The following SLC24A3 variants were observed in gnomAD, a reference collection of about 807,000 sequenced individuals.
SLC24A3 encodes solute carrier family 24 member 3.
SLC24A3 carries 28 observed loss-of-function variants against 75.8 expected under a neutral mutation model. The ratio of observed to expected loss-of-function variants is 0.37; its 90% CI spans 0.27 to 0.51. SLC24A3 has a LOEUF of 0.51. SLC24A3 is among the 20% of genes least tolerant of loss of function. The pLI, the probability that SLC24A3 is intolerant of heterozygous loss-of-function variation, is 0.94. For missense variants in SLC24A3, 663 were observed against 847.8 expected (o/e 0.78, Z 2.71); for synonymous variants, 372 against 334.1 (o/e 1.11, Z -1.24).
intron 2 of SLC24A3, among the ~76,000 whole-genome samples, chr20:19,393,872 A>G (rs987270488): frequency 3.9e-5 from 6 of 152,220 alleles, no homozygotes; most frequent in African/African-American, 1.4e-4. Context: ...CCTAAAATTC[A>G]TATAGAATCT....
At chr20:19,405,291 C>T (rs1476798924) in intron 2 of SLC24A3, among the ~76,000 whole-genome samples, 2 of 152,160 alleles carry the variant, frequency 1.3e-5, no homozygotes, top group Admixed American at 6.5e-5. Flanking sequence ...TTGGGATTCT[C>T]ATGTTGGTGC....
intron 3 of SLC24A3, among the ~76,000 whole-genome samples, chr20:19,516,185 A>G (rs2029984057): frequency 6.6e-6 from 1 of 152,088 alleles, no homozygotes; most frequent in Non-Finnish European, 1.5e-5. Flanking sequence ...CTTACTTTCC[A>G]CCACTGCCCA....
At chr20:19,469,060 T>C (rs1459971254) in intron 2 of SLC24A3, among the ~76,000 whole-genome samples, 1 of 151,998 alleles carries the variant, frequency 6.6e-6, no homozygotes. Context: ...CAAAGGGCAA[T>C]GCTTAGGAGG....
At chr20:19,663,147 C>A (rs556430217) in intron 7 of SLC24A3, among the ~76,000 whole-genome samples, 1 of 152,002 alleles carries the variant, frequency 6.6e-6, no homozygotes, top group South Asian at 2.1e-4. Flanking sequence ...TAGCTCACTG[C>A]AGCCTCAAAC....
chr20:19,476,706 G>A (rs570966762), intron 2 of SLC24A3, among the ~76,000 whole-genome samples: 21 of 152,110 alleles, frequency 1.4e-4, no homozygotes, highest in Non-Finnish European at 2.8e-4. Flanking sequence ...TCAGAAAGGA[G>A]GGAAATCCAG....
intron 1 of SLC24A3, among the ~76,000 whole-genome samples, chr20:19,280,013 G>T (rs1246483134): frequency 1.3e-5 from 2 of 152,292 alleles, no homozygotes; most frequent in African/African-American, 2.4e-5. Context: ...AATGCTTTGT[G>T]GTACTGTAAT....
intron 6 of SLC24A3, among the ~76,000 whole-genome samples, chr20:19,633,366 G>A (rs1256795749): frequency 1.3e-5 from 2 of 152,004 alleles, no homozygotes; most frequent in Admixed American, 1.3e-4. Flanking sequence ...AATGCCAGTC[G>A]TGGCCGGGCG....
At chr20:19,246,760 CTA>C (rs1480157201) in intron 1 of SLC24A3, among the ~76,000 whole-genome samples, 1 of 152,178 alleles carries the variant, frequency 6.6e-6, no homozygotes, top group Non-Finnish European at 1.5e-5. Flanking sequence ...CTCTCTCCCT[CTA>C]TCTCTGTCTT....
chr20:19,217,770 A>G (rs909879421), intron 1 of SLC24A3, among the ~76,000 whole-genome samples: 16 of 152,072 alleles, frequency 1.1e-4, no homozygotes, highest in Admixed American at 8.5e-4. Flanking sequence ...CAAAAGGTCT[A>G]TGATTCTTCC....
At chr20:19,693,491 T>A in intron 13 of SLC24A3, 66 bp downstream of exon 13, 1 of 1,567,772 alleles carries the variant, frequency 6.4e-7, no homozygotes, top group Non-Finnish European at 8.7e-7. Flanking sequence ...GGAATAAGAG[T>A]CAGGGTTTCA....
chr20:19,235,547 C>T (rs1982142400), intron 1 of SLC24A3, among the ~76,000 whole-genome samples: 1 of 152,182 alleles, frequency 6.6e-6, no homozygotes, highest in Non-Finnish European at 1.5e-5. Flanking sequence ...GGTCTCTGTA[C>T]TAGCTCCTTC....
intron 13 of SLC24A3, chr20:19,694,646 G>T (rs1408527370): frequency 6.6e-6 from 1 of 152,178 alleles, no homozygotes; most frequent in African/African-American, 2.4e-5. Context: ...GGTGCTACAT[G>T]ATTTTCTGTG....
chr20:19,675,161 G>A (rs186992636), intron 9 of SLC24A3, among the ~76,000 whole-genome samples: 31 of 152,330 alleles, frequency 2.0e-4, no homozygotes, highest in African/African-American at 7.5e-4. Flanking sequence ...AGGCACCACT[G>A]GGATGAGGAG....
At position 19,657,782 on chromosome 20, in the gene SLC24A3, G is replaced by T. The variant is rs569550447; in HGVS notation, c.687+3646G>T. ...CCCAGCCAGAGGCTACAGGTCGCAC[G>T]CACTGTCTTTTTTCTTCTTCTCCTC... On this transcript the variant is annotated intron_variant, in intron 7 of 16. Coordinates refer to ENST00000328041, the MANE Select transcript of SLC24A3 (RefSeq NM_020689.4). 2.9e-5 allele frequency among the ~76,000 whole-genome samples: 4 copies of T among 139,294 alleles called. No homozygotes were observed. In the East Asian group the frequency reaches 7.9e-4, roughly 27 times the overall value. 91.4% of individuals were successfully genotyped at this position (139,294 alleles called of 152,430 possible).
intron 2 of SLC24A3, among the ~76,000 whole-genome samples, chr20:19,385,709 A>G (rs1986261352): frequency 6.6e-6 from 1 of 151,206 alleles, no homozygotes; most frequent in African/African-American, 2.4e-5. Flanking sequence ...TGTTGCAGTC[A>G]TAGCTCATTG....
intron 2 of SLC24A3, among the ~76,000 whole-genome samples, chr20:19,298,222 A>T (rs1002450504): frequency 6.6e-6 from 1 of 152,250 alleles, no homozygotes; most frequent in African/African-American, 2.4e-5. Context: ...GGCCCCCTGC[A>T]TGAACACGGG....
In SLC24A3 at chr20:19,721,858, A is replaced by G. The variant is rs1277330627; in HGVS notation, c.*718A>G. On this transcript the variant is annotated 3_prime_UTR_variant, in exon 17 of 17. Coordinates refer to ENST00000328041, the MANE Select transcript of SLC24A3 (RefSeq NM_020689.4). ...AACAAATGCATGACATTTTATAGCC[A>G]AGGACGCCTCGCTAAAGTCTTATGG... The G allele has an allele frequency of 6.6e-6, 1 of 152,644 alleles. No individual in the cohort carries two copies. 9.5% of individuals were successfully genotyped at this position (152,644 alleles called of 1,614,324 possible). A position where few individuals can be genotyped will look rare whatever the true frequency, so the allele number is the denominator to read the frequency against.
intron 8 of SLC24A3, among the ~76,000 whole-genome samples, chr20:19,669,596 C>T (rs956327010): frequency 2.0e-5 from 3 of 152,096 alleles, no homozygotes; most frequent in African/African-American, 2.4e-5. Flanking sequence ...AGAAGGAATT[C>T]GGAATGTGTC....
intron 8 of SLC24A3, among the ~76,000 whole-genome samples, chr20:19,671,258 T>A (rs2032463372): frequency 1.3e-5 from 2 of 152,126 alleles, no homozygotes. Flanking sequence ...GAGACGGCTG[T>A]GTGCAAATGA....
Sources: allele counts gnomAD v4.1 joint callset (sites outside exome capture counted in the v4.1 genomes callset), GRCh38; gene constraint gnomAD v4.1.1; transcripts MANE v1.5; gene names NCBI Gene and HGNC (gene_info 2026-07-23, HGNC 2026-07-21).